CNTN5: variants seen among roughly 807,000 people sequenced by gnomAD.
CNTN5 encodes contactin 5, also known as contactin-5.
A neutral mutation model predicts 129.1 loss-of-function variants in CNTN5; 77 were observed. That is an observed-to-expected ratio of 0.60 (90% CI 0.50 to 0.72). The LOEUF (loss-of-function observed/expected upper bound fraction) is 0.72, where lower values mean the gene tolerates loss of function less well. CNTN5 is among the 30% of genes least tolerant of loss of function. The pLI, the probability that CNTN5 is intolerant of heterozygous loss-of-function variation, is 0.00. For synonymous variants in CNTN5, 509 were observed against 465.6 expected (o/e 1.09, Z -1.20); for missense variants, 1,478 against 1,328.8 (o/e 1.11, Z -1.75).
At chr11:99,528,754 G>A (rs1947583654) in intron 2 of CNTN5, among the ~76,000 whole-genome samples, 1 of 152,186 alleles carries the variant, frequency 6.6e-6, no homozygotes. Context: ...GGTGACATAA[G>A]AAAGGTCAGC....
intron 3 of CNTN5, among the ~76,000 whole-genome samples, chr11:99,668,243 T>C (rs1307781984): frequency 2.0e-5 from 3 of 152,020 alleles, no homozygotes; most frequent in African/African-American, 4.8e-5. Context: ...CACCCCAGAG[T>C]ACCAAGGTAG....
intron 2 of CNTN5, among the ~76,000 whole-genome samples, chr11:99,381,428 T>C (rs1470754690): frequency 6.6e-6 from 1 of 152,200 alleles, no homozygotes; most frequent in Admixed American, 6.5e-5. Context: ...TTTTAGGATG[T>C]AATAGTATTT....
intron 2 of CNTN5, among the ~76,000 whole-genome samples, chr11:99,368,792 A>G (rs899966091): frequency 1.7e-4 from 26 of 152,154 alleles, no homozygotes; most frequent in Non-Finnish European, 1.2e-4. Flanking sequence ...CACCAGACAT[A>G]ATTAAACAGG....
At chr11:99,181,451 C>T (rs1401827267) in intron 1 of CNTN5, among the ~76,000 whole-genome samples, 2 of 152,166 alleles carry the variant, frequency 1.3e-5, no homozygotes, top group Non-Finnish European at 2.9e-5. Flanking sequence ...GCATATCCAT[C>T]CAGAAATGTT....
In CNTN5 at chr11:100,071,843, T is replaced by C. The variant is rs1399577748; in HGVS notation, c.1429+9T>C. On this transcript the variant is annotated intron_variant, in intron 12 of 24. Transcript: ENST00000524871. ...TGAGCTGAAGATTCTAGGTATGCAG[T>C]TTCTAAGTGAATAAATTGAAAAAAA... 6.4e-7 allele frequency: 1 copy of C among 1,568,464 alleles called. No individual in the cohort carries two copies. Among genetic ancestry groups the C allele is most frequent in the Admixed American group, 2.1e-5 (1 of 46,512 alleles).
At chr11:100,043,352 C>T (rs1343748779) in intron 9 of CNTN5, among the ~76,000 whole-genome samples, 1 of 152,118 alleles carries the variant, frequency 6.6e-6, no homozygotes, top group Admixed American at 6.5e-5. Flanking sequence ...GTTTGGAAGT[C>T]TTTCCAAACA....
intron 17 of CNTN5, among the ~76,000 whole-genome samples, chr11:100,262,332 A>C (rs1950216825): frequency 6.6e-6 from 1 of 152,212 alleles, no homozygotes; most frequent in African/African-American, 2.4e-5. Flanking sequence ...ATACTTTTAC[A>C]CTGTTGATGG....
chr11:99,123,654 G>GTTTTTTTT (rs35040329), intron 1 of CNTN5, among the ~76,000 whole-genome samples: 1 of 141,194 alleles, frequency 7.1e-6, no homozygotes, highest in African/African-American at 2.6e-5. Flanking sequence ...ATCTTCCAGG[G>GTTTTTTTT]TTTTTTTTTT....
In CNTN5 at chr11:99,275,104, T is replaced by C. The variant is rs994092003; in HGVS notation, c.-209-50242T>C. ...TAGTTAATTATAAAATATTTACTTA[T>C]ATATAATGAATAAAAAAGTTTTTAA... On this transcript the variant is annotated intron_variant, in intron 1 of 24. Coordinates refer to ENST00000524871, the MANE Select transcript of CNTN5 (RefSeq NM_014361.4). Among the ~76,000 whole-genome samples, 3 of 151,300 alleles carry C rather than the reference T, an allele frequency of 2.0e-5. No homozygotes were observed. The Admixed American group carries it at 2.0e-4, about 10-fold the overall frequency.
chr11:99,929,812 T>A (rs1950150593), intron 7 of CNTN5, among the ~76,000 whole-genome samples: 1 of 152,162 alleles, frequency 6.6e-6, no homozygotes. Context: ...TCACCTATTG[T>A]TACTGGTGGC....
intron 11 of CNTN5, 82 bp downstream of exon 11, chr11:100,070,642 T>C (rs748401909): frequency 5.1e-5 from 67 of 1,319,230 alleles, no homozygotes; most frequent in Non-Finnish European, 7.0e-5. Flanking sequence ...TTTAGTCTTA[T>C]TGAAAGCCTT....
intron 15 of CNTN5, among the ~76,000 whole-genome samples, chr11:100,219,945 C>T (rs1949225078): frequency 6.6e-6 from 1 of 152,072 alleles, no homozygotes; most frequent in African/African-American, 2.4e-5. Context: ...TATAAAAAGA[C>T]TGTCTATGTA....
At chr11:99,787,044 T>A (rs983612682) in intron 3 of CNTN5, among the ~76,000 whole-genome samples, 2 of 151,980 alleles carry the variant, frequency 1.3e-5, no homozygotes, top group African/African-American at 2.4e-5. Context: ...GATATGAATT[T>A]TAAATGTATG....
At position 99,518,888 on chromosome 11, in the gene CNTN5, C is replaced by A. The variant is rs79306291; in HGVS notation, c.-70-37257C>A. Among the ~76,000 whole-genome samples, 751 of 152,074 alleles carry A rather than the reference C, an allele frequency of 4.9e-3. 21 individuals carry two copies. In the East Asian group the frequency reaches 0.098, roughly 20 times the overall value. ...TATTTCACCTATACTGTGAATTAGC[C>A]TCCTAATTTATAACTAATTGTATTA... On this transcript the variant is annotated intron_variant, in intron 2 of 24. Coordinates refer to ENST00000524871, the MANE Select transcript of CNTN5 (RefSeq NM_014361.4).
At position 100,356,926 on chromosome 11, in the gene CNTN5, A is replaced by G. The variant is rs1952537123; in HGVS notation, c.*706A>G. On this transcript the variant is annotated 3_prime_UTR_variant, in exon 25 of 25. Transcript: ENST00000524871. ...TCAGTGCTATAGTTTTTCATAAAGT[A>G]CTATGTTATCTAGCAGCAAATATAA... 1 of 151,762 alleles carries G rather than the reference A, an allele frequency of 6.6e-6. No individual in the cohort carries two copies. Among genetic ancestry groups the G allele is most frequent in the African/African-American group, 2.4e-5 (1 of 41,412 alleles). 9.4% of individuals were successfully genotyped at this position (151,762 alleles called of 1,614,324 possible).
chr11:100,195,127 T>C (rs767133865), intron 15 of CNTN5, among the ~76,000 whole-genome samples: 1 of 152,038 alleles, frequency 6.6e-6, no homozygotes, highest in African/African-American at 2.4e-5. Context: ...ATAACATGGA[T>C]GTTGTAAAAC....
At chr11:99,236,908 A>G (rs1295130871) in intron 1 of CNTN5, among the ~76,000 whole-genome samples, 1 of 152,038 alleles carries the variant, frequency 6.6e-6, no homozygotes, top group African/African-American at 2.4e-5. Flanking sequence ...TATTCCAATA[A>G]TATCTTATAT....
chr11:99,437,420 T>C (rs1161586161), intron 2 of CNTN5, among the ~76,000 whole-genome samples: 2 of 152,182 alleles, frequency 1.3e-5, no homozygotes, highest in Non-Finnish European at 2.9e-5. Context: ...TTGTAGAGAC[T>C]AAGAAAGTCT....
chr11:99,812,522 C>A (rs1225492953), intron 3 of CNTN5, among the ~76,000 whole-genome samples: 2 of 152,068 alleles, frequency 1.3e-5, no homozygotes, highest in East Asian at 3.9e-4. Context: ...CAACTGTTTT[C>A]TGTATATTAC....
Sources: gnomAD v4.1 joint callset for allele counts (sites outside exome capture counted in the v4.1 genomes callset) on GRCh38, gnomAD v4.1.1 for gene constraint, MANE v1.5 for transcripts, NCBI Gene and HGNC (gene_info 2026-07-23, HGNC 2026-07-21) for gene names.